The following MICA variants were observed in gnomAD, a reference collection of about 807,000 sequenced individuals.
MICA encodes the protein HLA class I antigen.
In MICA, 18 loss-of-function variants were observed where a neutral mutation model predicts 34.3. The observed-to-expected ratio is 0.52, with a 90% confidence interval of 0.36 to 0.78. The LOEUF (loss-of-function observed/expected upper bound fraction) is 0.78, where lower values mean the gene tolerates loss of function less well. Ranked by LOEUF, MICA falls within the 30% of genes least tolerant of loss-of-function variation. MICA has a pLI of 0.00. For synonymous variants in MICA, 135 were observed against 156.9 expected, an observed-to-expected ratio of 0.86 and a Z score of 1.04; for missense variants, 333 against 409.4, an observed-to-expected ratio of 0.81 and a Z score of 1.61.
rs1270352027 is a variant in MICA, at chr6:31,411,569, T to C, written c.613+210T>C. Among the ~76,000 whole-genome samples, 3 of 151,726 alleles carry C rather than the reference T, an allele frequency of 2.0e-5. No individual in the cohort carries two copies. The highest frequency in any genetic ancestry group is 1.3e-4 in the Admixed American group (2 of 15,206). On this transcript the variant is annotated intron_variant, in intron 3 of 5. Coordinates refer to ENST00000449934, the MANE Select transcript of MICA (RefSeq NM_001177519.3). This position sits in a 1 kb window ranked among gnomAD's most constrained non-coding sequence, Gnocchi z 4.3. ...CATCCAGTGTTGTAATCAGGGCAAG[T>C]AGAGGACCCTCCGACAGAATCCTGA... is the stretch of plus-strand genomic sequence containing the variant.
At chr6:31,407,899 TA>T (rs767302876) in intron 1 of MICA, among the ~76,000 whole-genome samples, 7 of 151,890 alleles carry the variant, frequency 4.6e-5, no homozygotes, top group Non-Finnish European at 2.9e-5. Context: ...ATAACTGTGG[TA>T]AAATTAGTCA....
chr6:31,410,197 C>T (rs28559870), intron 1 of MICA, among the ~76,000 whole-genome samples: 26,479 of 145,660 alleles, frequency 0.18, 2,787 homozygotes, highest in East Asian at 0.36. Flanking sequence ...CCATTCCCAC[C>T]ATCCCCTCTG....
chr6:31,407,528 G>A (rs1770815638), intron 1 of MICA, among the ~76,000 whole-genome samples: 1 of 151,498 alleles, frequency 6.6e-6, no homozygotes, highest in African/African-American at 2.4e-5. Flanking sequence ...GAGCCACCAC[G>A]CCCAGCCACA....
rs535905110 is a variant in MICA at position 31,412,365 on chromosome 6, T to C, written c.933T>C (p.His311=). The change falls in exon 5 of 6, where the codon CAT becomes CAC. Residue 311 remains histidine (H), a synonymous_variant. Coordinates refer to ENST00000449934, the MANE Select transcript of MICA (RefSeq NM_001177519.3). The part of the protein sequence containing the change: ...LVLQSHWQTF[H]VSAVAAGCCY... ...TTCAGAGTCATTGGCAGACATTCCA[T>C]GTTTCTGCTGTTGCTGCTGGCTGCT... 3.7e-5 allele frequency: 56 copies of C among 1,524,150 alleles called. 1 individual carries two copies. The East Asian group carries it at 1.3e-3, about 35-fold the overall frequency. The allele number at this position is 1,524,150 out of a possible 1,614,324, so 94.4% of individuals were successfully genotyped here. A position where few individuals can be genotyped will look rare whatever the true frequency, so the allele number is the denominator to read the frequency against.
At position 31,411,425 on chromosome 6, in the gene MICA, T is replaced by A; in HGVS notation, c.613+66T>A. The A allele has an allele frequency of 6.9e-7, 1 of 1,450,394 alleles. No homozygotes were observed. The highest frequency in any genetic ancestry group is 9.2e-7 in the Non-Finnish European group (1 of 1,081,468). The allele number at this position is 1,450,394 out of a possible 1,614,324, so 89.8% of individuals were successfully genotyped here. On this transcript the variant is annotated intron_variant, in intron 3 of 5. Coordinates refer to ENST00000449934, the MANE Select transcript of MICA (RefSeq NM_001177519.3). The surrounding 1 kb of genome is among the most constrained non-coding windows in gnomAD (Gnocchi z 4.3). ...TGCTAGAGTTGCCTCACCTCCCAGA[T>A]GTGTCCAGGGAAACCCTCCCTGTGC...
chr6:31,411,931 G>C lies in MICA; in HGVS notation c.614-16G>C. On this transcript the variant is annotated splice_polypyrimidine_tract_variant and intron_variant, in intron 3 of 5. Coordinates refer to ENST00000449934, the MANE Select transcript of MICA (RefSeq NM_001177519.3). The surrounding 1 kb of genome is among the most constrained non-coding windows in gnomAD (Gnocchi z 4.3). ...AGGGGAGCAGGGCTTCACTGGCTCTGCCCTTTCTTCTCCAGTGCCCCCCAT... is the reference window on the plus strand; with the variant it reads ...AGGGGAGCAGGGCTTCACTGGCTCTCCCCTTTCTTCTCCAGTGCCCCCCAT... 6 of 1,606,948 alleles carry C rather than the reference G, an allele frequency of 3.7e-6. No individual in the cohort carries two copies. The highest frequency in any genetic ancestry group is 5.1e-6 in the Non-Finnish European group (6 of 1,176,718).
chr6:31,406,964 A>G (rs1341936161), intron 1 of MICA, among the ~76,000 whole-genome samples: 1 of 151,942 alleles, frequency 6.6e-6, no homozygotes, highest in African/African-American at 2.4e-5. Context: ...GCTCTGTAGT[A>G]TAATTTGAAG....
At chr6:31,406,276 G>C (rs1027633633) in intron 1 of MICA, among the ~76,000 whole-genome samples, 3 of 151,524 alleles carry the variant, frequency 2.0e-5, no homozygotes. Flanking sequence ...TTATCTCGTA[G>C]GAGTTTTGAT....
intron 1 of MICA, among the ~76,000 whole-genome samples, chr6:31,410,012 C>T (rs1771001920): frequency 1.3e-5 from 2 of 151,570 alleles, no homozygotes; most frequent in African/African-American, 4.9e-5. Context: ...CCACTATAAA[C>T]TTCTCTGGGG....
Position 31,412,024 on chromosome 6 carries a change from T to C in MICA, c.691T>C (p.Tyr231His). 1 of 1,613,144 alleles carries C rather than the reference T, an allele frequency of 6.2e-7. No homozygotes were observed. The highest frequency in any genetic ancestry group is 1.3e-5 in the African/African-American group (1 of 74,842). Residue 231 changes from tyrosine (Y) to histidine (H), a missense_variant, in exon 4 of 6, where the codon TAT (tyrosine) becomes CAT (histidine). Coordinates refer to ENST00000449934, the MANE Select transcript of MICA (RefSeq NM_001177519.3). The stretch of plus-strand genomic sequence containing the variant: ...CGTGACATGCAGGGCTTCCAGCTTC[T>C]ATCCCCGGAATATCATACTGACCTG... ...ITVTCRASSF[Y>H]PRNIILTWRQ...
intron 1 of MICA, among the ~76,000 whole-genome samples, chr6:31,405,710 T>TCC (rs1373807292): frequency 6.6e-6 from 1 of 151,792 alleles, no homozygotes; most frequent in Non-Finnish European, 1.5e-5. Flanking sequence ...GCTCCCCCAC[T>TCC]CCCCACTACC....
intron 1 of MICA, among the ~76,000 whole-genome samples, chr6:31,407,093 T>C (rs1770789777): frequency 6.6e-6 from 1 of 151,962 alleles, no homozygotes. Flanking sequence ...GTGAAGAATG[T>C]CATTAGTGTT....
chr6:31,403,810 C>G lies in MICA; in HGVS notation c.70+108C>G, dbSNP rs2301747. On this transcript the variant is annotated intron_variant, in intron 1 of 5. Transcript: ENST00000449934. The surrounding 1 kb of genome is among the most constrained non-coding windows in gnomAD (Gnocchi z 4.7). ...TGCGGTCAGGGCGGGGCTCCTGTGC[C>G]CTGTCGGTGGCGCAGGGAGCTGGAC... 0.16 allele frequency: 170,262 copies of G among 1,050,312 alleles called. 18,261 individuals carry two copies. Among genetic ancestry groups the G allele is most frequent in the African/African-American group, 0.34 (19,497 of 58,052 alleles). The allele number at this position is 1,050,312 out of a possible 1,614,324, so 65.1% of individuals were successfully genotyped here. A position where few individuals can be genotyped will look rare whatever the true frequency, so the allele number is the denominator to read the frequency against.
At chr6:31,405,362 T>C (rs1489372475) in intron 1 of MICA, among the ~76,000 whole-genome samples, 2 of 150,550 alleles carry the variant, frequency 1.3e-5, no homozygotes, top group East Asian at 2.0e-4. Flanking sequence ...TCTCCCCCTC[T>C]ACCTTGGTTT....
At chr6:31,406,178 C>T (rs1770737423) in intron 1 of MICA, among the ~76,000 whole-genome samples, 1 of 151,694 alleles carries the variant, frequency 6.6e-6, no homozygotes, top group Non-Finnish European at 1.5e-5. Flanking sequence ...AGTGTACATC[C>T]TCACCAGCAT....
In MICA at chr6:31,407,567, G is replaced by A. The variant is rs139753005; in HGVS notation, c.71-2976G>A. 4.2e-3 allele frequency among the ~76,000 whole-genome samples: 640 copies of A among 152,044 alleles called. 16 individuals are homozygous for A. In the East Asian group the frequency reaches 0.052, roughly 12 times the overall value. ...CTGTTTTATAGTTTTTATTGGAGAG[G>A]TCTTTCACTTCTTCAGTTAGGTTTA... On this transcript the variant is annotated intron_variant, in intron 1 of 5. Coordinates refer to ENST00000449934, the MANE Select transcript of MICA (RefSeq NM_001177519.3).
At chr6:31,408,930 G>C (rs189390297) in intron 1 of MICA, among the ~76,000 whole-genome samples, 1 of 151,474 alleles carries the variant, frequency 6.6e-6, no homozygotes, top group Non-Finnish European at 1.5e-5. Flanking sequence ...GCTTGAATCC[G>C]GGAAGTGGAG....
At chr6:31,410,325 C>T (rs1771027834) in intron 1 of MICA, among the ~76,000 whole-genome samples, 1 of 151,982 alleles carries the variant, frequency 6.6e-6, no homozygotes, top group Non-Finnish European at 1.5e-5. Context: ...ACCTGGCCTA[C>T]AAGTTTGCCA....
At chr6:31,412,268 G>A (rs1371558455) in intron 4 of MICA, 43 bp downstream of exon 4, 11 of 1,606,366 alleles carry the variant, frequency 6.8e-6, no homozygotes, top group Admixed American at 3.4e-5. Flanking sequence ...CCAGGGTAGG[G>A]ACAGCAGGGA....
Sources: allele counts gnomAD v4.1 joint callset (sites outside exome capture counted in the v4.1 genomes callset), GRCh38; gene constraint gnomAD v4.1.1; non-coding constraint Gnocchi (gnomAD v3.1); transcripts MANE v1.5; gene names NCBI Gene and HGNC (gene_info 2026-07-23, HGNC 2026-07-21).